Variants in PHLDA2 observed in about 807,000 individuals in gnomAD.
The protein encoded by PHLDA2 is pleckstrin homology like domain family A member 2.
In PHLDA2, 5 loss-of-function variants were observed where a neutral mutation model predicts 5.9. The observed-to-expected ratio is 0.85, with a 90% CI of 0.44 to 1.78. The LOEUF (loss-of-function observed/expected upper bound fraction) is 1.78, where lower values mean the gene tolerates loss of function less well. Ranked by LOEUF, PHLDA2 falls within the 40% of genes most tolerant of loss-of-function variation. The probability of loss-of-function intolerance (pLI) is 0.02; values close to 1 mark genes in which losing one functional copy is unlikely to be tolerated. For synonymous variants in PHLDA2, 111 were observed against 102.7 expected, an observed-to-expected ratio of 1.08 and a Z score of -0.49; for missense variants, 216 against 228.3, an observed-to-expected ratio of 0.95 and a Z score of 0.35.
rs1282716218 is a variant in PHLDA2, at chr11:2,929,109, C to A, written c.256G>T (p.Gly86Cys). The A allele has an allele frequency of 1.9e-6, 3 of 1,611,794 alleles. No individual in the cohort carries two copies. The African/African-American group carries it at 4.0e-5, about 22-fold the overall frequency. ...DHKEIDFRCA[G>C]ESCWNAAIAL... ...ATGGCCGCGTTCCAGCAGCTCTCGC[C>A]CGCGCAGCGGAAGTCGATCTCCTTG... is the stretch of plus-strand genomic sequence containing the variant. Residue 86 changes from glycine to cysteine, a missense_variant, in exon 1 of 2, where the codon GGC (glycine) becomes TGC (cysteine). Transcript: ENST00000314222. This position sits in a 1 kb window ranked among gnomAD's most constrained non-coding sequence, Gnocchi z 8.3.
chr11:2,928,825 TG>T, intron 1 of PHLDA2, 70 bp downstream of exon 1: 1 of 1,099,166 alleles, frequency 9.1e-7, no homozygotes, highest in Non-Finnish European at 1.2e-6. Context: ...GGGGTTGAAG[TG>T]GTTTTTCCCA....
At chr11:2,928,812 T>G in intron 1 of PHLDA2, 84 bp downstream of exon 1, 1 of 979,324 alleles carries the variant, frequency 1.0e-6, no homozygotes, top group Non-Finnish European at 1.4e-6. Context: ...CGCCCCGCCG[T>G]CTGGGGTTGA....
Position 2,928,385 on chromosome 11 carries a change from C to A in PHLDA2, c.*293G>T, listed in dbSNP as rs1035915954. On this transcript the variant is annotated 3_prime_UTR_variant, in exon 2 of 2. Transcript: ENST00000314222. ...CCGCCCATTCCTGGGCCTCCACCCT[C>A]CCAGCAGGAGTCTCACTGAGCCACA... 2.6e-5 allele frequency: 4 copies of A among 153,530 alleles called. No individual in the cohort carries two copies. Among genetic ancestry groups the A allele is most frequent in the African/African-American group, 9.6e-5 (4 of 41,524 alleles). 9.5% of individuals were successfully genotyped at this position (153,530 alleles called of 1,614,324 possible). A position where few individuals can be genotyped will look rare whatever the true frequency, so the allele number is the denominator to read the frequency against.
Position 2,929,223 on chromosome 11 carries a change from T to C in PHLDA2, c.142A>G (p.Lys48Glu). 1.9e-6 allele frequency: 3 copies of C among 1,612,158 alleles called. No individual in the cohort carries two copies. Among genetic ancestry groups the C allele is most frequent in the Non-Finnish European group, 2.5e-6 (3 of 1,179,754 alleles). ...LFPASPRARPKELRFHSILKV... is the reference protein window; with the variant it reads ...LFPASPRARPEELRFHSILKV... ...AGGATGGAGTGGAAGCGCAGCTCCT[T>C]GGGGCGCGCGCGGGGGCTGGCGGGG... Residue 48 changes from lysine (K) to glutamate (E), a missense_variant, in exon 1 of 2, where the codon AAG becomes GAG. Physicochemically the swap from Lys to Glu is moderately conservative, Grantham distance 56 (BLOSUM62 1). Transcript: ENST00000314222. The surrounding 1 kb of genome is among the most constrained non-coding windows in gnomAD (Gnocchi z 8.3).
Position 2,928,947 on chromosome 11 carries a change from G to T in PHLDA2, c.418C>A (p.Pro140Thr). 1 of 1,471,898 alleles carries T rather than the reference G, an allele frequency of 6.8e-7. No homozygotes were observed. The highest frequency in any genetic ancestry group is 8.9e-7 in the Non-Finnish European group (1 of 1,123,662). The allele number at this position is 1,471,898 out of a possible 1,614,324, so 91.2% of individuals were successfully genotyped here. The change falls in exon 1 of 2, where the codon CCC becomes ACC. Residue 140 changes from proline (P) to threonine (T), a missense_variant. By Grantham distance (38) the Pro-to-Thr change is conservative (BLOSUM62 -1). Transcript: ENST00000314222. ...TTGGGCTGCGGGGATGGCCTGGAGGGCTCCGAGGGCTCGGAGGGTGCGGCG... is the reference window on the plus strand; with the variant it reads ...TTGGGCTGCGGGGATGGCCTGGAGGTCTCCGAGGGCTCGGAGGGTGCGGCG... The part of the protein sequence containing the change: ...AAAAPSEPSE[P>T]SRPSPQPKPR...
In PHLDA2 at chr11:2,928,966, T is replaced by C. The variant is rs1590203293; in HGVS notation, c.399A>G (p.Ala133=). 3 of 1,510,384 alleles carry C rather than the reference T, an allele frequency of 2.0e-6. No individual in the cohort carries two copies. Among genetic ancestry groups the C allele is most frequent in the Non-Finnish European group, 2.6e-6 (3 of 1,141,510 alleles). 93.6% of individuals were successfully genotyped at this position (1,510,384 alleles called of 1,614,324 possible). ...TGGAGGGCTCCGAGGGCTCGGAGGGTGCGGCGGCCGCGGCAGCCACGGCGT... is the reference window on the plus strand; with the variant it reads ...TGGAGGGCTCCGAGGGCTCGGAGGGCGCGGCGGCCGCGGCAGCCACGGCGT... ...AEDAVAAAAA[A]PSEPSEPSRP... The change falls in exon 1 of 2, where the codon GCA becomes GCG. Residue 133 remains alanine (A), a synonymous_variant. Transcript: ENST00000314222.
In PHLDA2 at chr11:2,928,903, G is replaced by T; in HGVS notation, c.*3C>A. 2 of 1,369,032 alleles carry T rather than the reference G, an allele frequency of 1.5e-6. No individual in the cohort carries two copies. The highest frequency in any genetic ancestry group is 1.9e-6 in the Non-Finnish European group (2 of 1,069,272). 84.8% of individuals were successfully genotyped at this position (1,369,032 alleles called of 1,614,324 possible). ...ACGCGGGCAGTCACTCACCGCGGCG[G>T]GCTCATGGCGTGCGGGGTTTGGGCT... On this transcript the variant is annotated 3_prime_UTR_variant, in exon 1 of 2. Transcript: ENST00000314222.
Position 2,929,352 on chromosome 11 carries a change from CG to C in PHLDA2, c.12del (p.Asp5ThrfsTer32). 6.2e-7 allele frequency: 1 copy of C among 1,605,328 alleles called. No homozygotes were observed. MKSPDEVLREGELE... is the reference protein window; with the variant it reads MKSXDEVLREGELE... The stretch of plus-strand genomic sequence containing the variant: ...AACTCGCCCTCGCGTAGCACCTCGT[CG>C]GGGGATTTCATGTCGTGCCGAGCGC... On this transcript the variant is annotated frameshift_variant, in exon 1 of 2. Transcript: ENST00000314222. LOFTEE classifies it high-confidence loss of function. This position sits in a 1 kb window ranked among gnomAD's most constrained non-coding sequence, Gnocchi z 8.3.
chr11:2,929,055 G>T lies in PHLDA2; in HGVS notation c.310C>A (p.Arg104Ser), dbSNP rs747774674. Residue 104 changes from arginine (R) to serine (S), a missense_variant, in exon 1 of 2, where the codon CGC becomes AGC. Arg to Ser is a moderately radical substitution (Grantham distance 110, BLOSUM62 -1). Transcript: ENST00000314222. This position sits in a 1 kb window ranked among gnomAD's most constrained non-coding sequence, Gnocchi z 8.3. ...IALALIDFQNRRALQDFRSRQ... is the reference protein window; with the variant it reads ...IALALIDFQNSRALQDFRSRQ... ...CTGCGAAAGTCCTGCAGGGCGCGGCGGTTCTGGAAATCGATGAGCGCCAGC... is the reference window on the plus strand; with the variant it reads ...CTGCGAAAGTCCTGCAGGGCGCGGCTGTTCTGGAAATCGATGAGCGCCAGC... 4.4e-6 allele frequency: 7 copies of T among 1,608,316 alleles called. No homozygotes were observed. In the African/African-American group the frequency reaches 8.1e-5, roughly 18 times the overall value.
At position 2,928,648 on chromosome 11, in the gene PHLDA2, G is replaced by T. The variant is rs1201626732; in HGVS notation, c.*30C>A. The T allele has an allele frequency of 2.3e-6, 1 of 430,406 alleles. No homozygotes were observed. Among genetic ancestry groups the T allele is most frequent in the African/African-American group, 2.1e-5 (1 of 48,462 alleles). The allele number at this position is 430,406 out of a possible 1,614,324, so 26.7% of individuals were successfully genotyped here. On this transcript the variant is annotated 3_prime_UTR_variant, in exon 2 of 2. Transcript: ENST00000314222. ...GCCGGCCACGTCCTAGCCTCGGTCC[G>T]ACTCGTCCAGCGTATGGCCCTGTGG...
In PHLDA2 at chr11:2,928,966, T is replaced by TGCGGCGGCC. The variant is rs754467448; in HGVS notation, c.390_398dup (p.Ala131_Ala133dup). On this transcript the variant is annotated inframe_insertion, in exon 1 of 2. Transcript: ENST00000314222. ...TGGAGGGCTCCGAGGGCTCGGAGGGTGCGGCGGCCGCGGCAGCCACGGCGT... is the reference window on the plus strand; with the variant it reads ...TGGAGGGCTCCGAGGGCTCGGAGGGTGCGGCGGCCGCGGCGGCCGCGGCAGCCACGGCGT... 30 of 1,510,278 alleles carry TGCGGCGGCC rather than the reference T, an allele frequency of 2.0e-5. No homozygotes were observed. Among genetic ancestry groups the TGCGGCGGCC allele is most frequent in the East Asian group, 7.4e-5 (3 of 40,810 alleles). 93.6% of individuals were successfully genotyped at this position (1,510,278 alleles called of 1,614,324 possible).
In PHLDA2 at chr11:2,929,244, CG is replaced by C. The variant is rs1850482882; in HGVS notation, c.120del (p.Ala41ProfsTer127). The C allele has an allele frequency of 1.9e-6, 3 of 1,611,810 alleles. No individual in the cohort carries two copies. The highest frequency in any genetic ancestry group is 1.3e-5 in the African/African-American group (1 of 74,832). Reference sequence around the variant, plus strand: ...TCCTTGGGGCGCGCGCGGGGGCTGGCGGGGAACAGGCTCAGGCGGTCGGAGG... The same window carrying C: ...TCCTTGGGGCGCGCGCGGGGGCTGGCGGGAACAGGCTCAGGCGGTCGGAGG... ...VLTSDRLSLF[P>X]ASPRARPKEL... is the part of the protein sequence containing the mutation. On this transcript the variant is annotated frameshift_variant, in exon 1 of 2. Transcript: ENST00000314222. LOFTEE classifies it high-confidence loss of function. The surrounding 1 kb of genome is among the most constrained non-coding windows in gnomAD (Gnocchi z 8.3).
Position 2,928,995 on chromosome 11 carries a change from C to T in PHLDA2, c.370G>A (p.Glu124Lys). 1 of 1,482,136 alleles carries T rather than the reference C, an allele frequency of 6.7e-7. No individual in the cohort carries two copies. The highest frequency in any genetic ancestry group is 2.6e-5 in the East Asian group (1 of 39,156). The allele number at this position is 1,482,136 out of a possible 1,614,324, so 91.8% of individuals were successfully genotyped here. The part of the protein sequence containing the change: ...QERTAPAAPA[E>K]DAVAAAAAAP... The stretch of plus-strand genomic sequence containing the variant: ...GCGGCCGCGGCAGCCACGGCGTCCT[C>T]GGCGGGTGCGGCGGGTGCGGTGCGT... The change falls in exon 1 of 2, where the codon GAG becomes AAG. Residue 124 changes from glutamate to lysine, a missense_variant. Physicochemically the swap from Glu to Lys is moderately conservative, Grantham distance 56 (BLOSUM62 1). Transcript: ENST00000314222.
Position 2,929,156 on chromosome 11 carries a change from A to C in PHLDA2, c.209T>G (p.Phe70Cys), listed in dbSNP as rs1181476767. 6.2e-7 allele frequency: 1 copy of C among 1,612,718 alleles called. No individual in the cohort carries two copies. The highest frequency in any genetic ancestry group is 1.3e-5 in the African/African-American group (1 of 74,850). Residue 70 changes from phenylalanine to cysteine, a missense_variant, in exon 1 of 2, where the codon TTC becomes TGC. Phe to Cys is a radical substitution (Grantham distance 205, BLOSUM62 -2). Coordinates refer to ENST00000314222, the MANE Select transcript of PHLDA2 (RefSeq NM_003311.4). This position sits in a 1 kb window ranked among gnomAD's most constrained non-coding sequence, Gnocchi z 8.3. Reference sequence around the variant, plus strand: ...CTTGTGGTCGGTGGTGACGATGGTGAAGTACACGTACTTGCCCGTGCGCTC... The same window carrying C: ...CTTGTGGTCGGTGGTGACGATGGTGCAGTACACGTACTTGCCCGTGCGCTC... ...CVERTGKYVY[F>C]TIVTTDHKEI...
Position 2,929,129 on chromosome 11 carries a change from T to C in PHLDA2, c.236A>G (p.Glu79Gly). ...YFTIVTTDHK[E>G]IDFRCAGESC... ...CTCGCCCGCGCAGCGGAAGTCGATC[T>C]CCTTGTGGTCGGTGGTGACGATGGT... Residue 79 changes from glutamate to glycine, a missense_variant, in exon 1 of 2, where the codon GAG becomes GGG. Transcript: ENST00000314222. This position sits in a 1 kb window ranked among gnomAD's most constrained non-coding sequence, Gnocchi z 8.3. The C allele has an allele frequency of 6.2e-7, 1 of 1,612,602 alleles. No individual in the cohort carries two copies. Among genetic ancestry groups the C allele is most frequent in the Non-Finnish European group, 8.5e-7 (1 of 1,179,778 alleles).
chr11:2,928,786 G>T, intron 1 of PHLDA2, 110 bp downstream of exon 1: 1 of 823,858 alleles, frequency 1.2e-6, no homozygotes, highest in Non-Finnish European at 1.7e-6. Context: ...GGTCCCCCAA[G>T]GAGGTGCAGC....
At position 2,928,760 on chromosome 11, in the gene PHLDA2, C is replaced by G. The variant is rs550226914; in HGVS notation, c.*11-93G>C. On this transcript the variant is annotated intron_variant, in intron 1 of 1. Transcript: ENST00000314222. Reference sequence around the variant, plus strand: ...AGACCCTGACGCGAGGGGGCCAGCGCGATTGCGGGGCGCCGGGTCCCCCAA... The same window carrying G: ...AGACCCTGACGCGAGGGGGCCAGCGGGATTGCGGGGCGCCGGGTCCCCCAA... 1,007 of 663,852 alleles carry G rather than the reference C, an allele frequency of 1.5e-3. 8 individuals carry two copies. In the African/African-American group the frequency reaches 0.017, roughly 11 times the overall value. The allele number at this position is 663,852 out of a possible 1,614,324, so 41.1% of individuals were successfully genotyped here.
chr11:2,929,340 G>T lies in PHLDA2; in HGVS notation c.25C>A (p.Arg9Ser), dbSNP rs757056797. The change falls in exon 1 of 2, where the codon CGC (arginine) becomes AGC (serine). Residue 9 changes from arginine (R) to serine (S), a missense_variant. Transcript: ENST00000314222. The surrounding 1 kb of genome is among the most constrained non-coding windows in gnomAD (Gnocchi z 8.3). ...CTGCGCTTCTCCAACTCGCCCTCGC[G>T]TAGCACCTCGTCGGGGGATTTCATG... The part of the protein sequence containing the change: MKSPDEVL[R>S]EGELEKRSDS... 6.2e-7 allele frequency: 1 copy of T among 1,607,716 alleles called. No homozygotes were observed. The highest frequency in any genetic ancestry group is 1.1e-5 in the South Asian group (1 of 90,250).
In PHLDA2 at chr11:2,929,074, C is replaced by T. The variant is rs746473388; in HGVS notation, c.291G>A (p.Ala97=). 6.2e-7 allele frequency: 1 copy of T among 1,610,782 alleles called. No individual in the cohort carries two copies. Among genetic ancestry groups the T allele is most frequent in the Non-Finnish European group, 8.5e-7 (1 of 1,179,340 alleles). ...CGCGGCGGTTCTGGAAATCGATGAG[C>T]GCCAGCGCGATGGCCGCGTTCCAGC... is the stretch of plus-strand genomic sequence containing the variant. The part of the protein sequence containing the change: ...ESCWNAAIAL[A]LIDFQNRRAL... The change falls in exon 1 of 2, where the codon GCG becomes GCA. Residue 97 remains alanine (A), a synonymous_variant. Transcript: ENST00000314222. The surrounding 1 kb of genome is among the most constrained non-coding windows in gnomAD (Gnocchi z 8.3).
Sources: gnomAD v4.1 joint callset for allele counts on GRCh38, gnomAD v4.1.1 for gene constraint, Gnocchi (gnomAD v3.1) non-coding constraint, MANE v1.5 for transcripts, NCBI Gene and HGNC (gene_info 2026-07-23, HGNC 2026-07-21) for gene names.